AKR1D1: variants seen among roughly 807,000 people sequenced by gnomAD.
AKR1D1 encodes the protein delta(4)-3-ketosteroid 5-beta-reductase.
Under a neutral mutation model 42.6 loss-of-function variants are expected in AKR1D1, and 32 were observed. The observed-to-expected ratio is 0.75, with a 90% CI of 0.57 to 1.01. The LOEUF is 1.01. Ranked by LOEUF, AKR1D1 falls within the 50% of genes least tolerant of loss-of-function variation. The pLI is 0.00. For synonymous variants in AKR1D1, 123 were observed against 135.5 expected (o/e 0.91, Z 0.64); for missense variants, 364 against 402.2 (o/e 0.91, Z 0.81).
chr7:138,113,076 G>A (rs745931262), intron 7 of AKR1D1, among the ~76,000 whole-genome samples: 1 of 152,176 alleles, frequency 6.6e-6, no homozygotes, highest in Non-Finnish European at 1.5e-5. Flanking sequence ...CAGCACTTTG[G>A]GAGGCTGAGG....
chr7:138,086,200 A>G (rs1448025318), intron 1 of AKR1D1, among the ~76,000 whole-genome samples: 1 of 152,096 alleles, frequency 6.6e-6, no homozygotes, highest in Non-Finnish European at 1.5e-5. Flanking sequence ...CCCTGTCTCT[A>G]ATAATAATAA....
rs148252120 is a variant in AKR1D1, at chr7:138,110,113, T to A, written c.855+2533T>A. Among the ~76,000 whole-genome samples, 6 of 152,132 alleles carry A rather than the reference T, an allele frequency of 3.9e-5. No individual in the cohort carries two copies. In the East Asian group the frequency reaches 1.2e-3, roughly 29 times the overall value. The stretch of plus-strand genomic sequence containing the variant: ...CTCTTTAGGGAATAGACTCACCCAA[T>A]AACCATGAATTTTGCTGGGTATGAA... On this transcript the variant is annotated intron_variant, in intron 7 of 8. Transcript: ENST00000242375.
At chr7:138,096,312 A>G (rs988913275) in intron 3 of AKR1D1, among the ~76,000 whole-genome samples, 3 of 152,226 alleles carry the variant, frequency 2.0e-5, no homozygotes, top group Non-Finnish European at 4.4e-5. Flanking sequence ...GATAATAAAC[A>G]GAAATGTATT....
chr7:138,092,678 AT>A (rs1479673513), intron 3 of AKR1D1, among the ~76,000 whole-genome samples: 2 of 152,242 alleles, frequency 1.3e-5, no homozygotes, highest in Non-Finnish European at 2.9e-5. Flanking sequence ...CCTGCACAGC[AT>A]GTTACTATTC....
intron 7 of AKR1D1, among the ~76,000 whole-genome samples, chr7:138,112,793 T>C (rs926916215): frequency 2.8e-4 from 42 of 151,398 alleles, no homozygotes; most frequent in African/African-American, 9.9e-4. Flanking sequence ...ATAGGTTATA[T>C]ACAGATAATC....
chr7:138,087,612 T>C, intron 1 of AKR1D1, among the ~76,000 whole-genome samples: 1 of 152,170 alleles, frequency 6.6e-6, no homozygotes, highest in Admixed American at 6.5e-5. Flanking sequence ...TATACATCTG[T>C]GAGGCCATCA....
intron 7 of AKR1D1, among the ~76,000 whole-genome samples, chr7:138,110,798 T>C (rs995663185): frequency 1.3e-5 from 2 of 151,882 alleles, no homozygotes; most frequent in African/African-American, 4.8e-5. Flanking sequence ...CTAGATAAAA[T>C]TAAAGGTAAA....
At chr7:138,078,583 T>C (rs1748511558) in intron 1 of AKR1D1, among the ~76,000 whole-genome samples, 1 of 152,230 alleles carries the variant, frequency 6.6e-6, no homozygotes, top group Admixed American at 6.5e-5. Context: ...TCATTCATAA[T>C]CTTGGCTCCA....
In AKR1D1 at chr7:138,118,046, T is replaced by G. The variant is rs1459809632; in HGVS notation, c.*1384T>G. 7 of 152,044 alleles carry G rather than the reference T, an allele frequency of 4.6e-5. No homozygotes were observed. The highest frequency in any genetic ancestry group is 4.6e-4 in the Admixed American group (7 of 15,266). 9.4% of individuals were successfully genotyped at this position (152,044 alleles called of 1,614,324 possible). On this transcript the variant is annotated 3_prime_UTR_variant, in exon 9 of 9. Transcript: ENST00000242375. The stretch of plus-strand genomic sequence containing the variant: ...AAACAAAAAAAAAAGAAAAGAAATA[T>G]ATTTTATTCATTCACATTAGGTCAC...
chr7:138,078,416 GA>G (rs1445027333), intron 1 of AKR1D1, among the ~76,000 whole-genome samples: 3 of 152,170 alleles, frequency 2.0e-5, no homozygotes, highest in Admixed American at 1.3e-4. Context: ...CCCATAGCAA[GA>G]GTAGTTAAAA....
At position 138,106,670 on chromosome 7, in the gene AKR1D1, T is replaced by C. The variant is rs1585738925; in HGVS notation, c.642T>C (p.Ile214=). Residue 214 remains isoleucine, a synonymous_variant, in exon 6 of 9, where the codon ATT becomes ATC. Transcript: ENST00000242375. ...TGAAATTTTGCCAACAACATGACAT[T>C]GTCATTACTGCATATAGCCCTTTGG... The part of the protein sequence containing the change: ...KLLKFCQQHD[I]VITAYSPLGT... 4.3e-6 allele frequency: 7 copies of C among 1,614,096 alleles called. No homozygotes were observed. The East Asian group carries it at 1.6e-4, about 36-fold the overall frequency.
At chr7:138,082,515 G>T (rs924774553) in intron 1 of AKR1D1, among the ~76,000 whole-genome samples, 1 of 151,946 alleles carries the variant, frequency 6.6e-6, no homozygotes, top group Non-Finnish European at 1.5e-5. Context: ...CTACAGACAG[G>T]TGTACATCAC....
intron 8 of AKR1D1, among the ~76,000 whole-genome samples, chr7:138,114,015 G>A (rs1184962910): frequency 6.6e-6 from 1 of 152,180 alleles, no homozygotes. Context: ...TTCGGTGAAG[G>A]CATGCAGGCT....
intron 3 of AKR1D1, among the ~76,000 whole-genome samples, chr7:138,096,799 C>T (rs956861488): frequency 9.9e-5 from 15 of 152,118 alleles, no homozygotes; most frequent in African/African-American, 2.9e-4. Flanking sequence ...TTGTTATGCC[C>T]AGTCCTCTAC....
intron 1 of AKR1D1, among the ~76,000 whole-genome samples, chr7:138,079,697 A>T (rs892763338): frequency 3.3e-5 from 5 of 152,246 alleles, no homozygotes; most frequent in Non-Finnish European, 5.9e-5. Context: ...GTCCAATCAC[A>T]AATGTGCCAA....
chr7:138,101,199 T>C (rs548800572), intron 4 of AKR1D1, among the ~76,000 whole-genome samples: 4,827 of 95,074 alleles, frequency 0.051, 193 homozygotes, highest in Middle Eastern at 0.089. Flanking sequence ...CTCCCTTCCT[T>C]CCTTCCTTCC....
chr7:138,117,551 G>T lies in AKR1D1; in HGVS notation c.*889G>T, dbSNP rs1465950288. The stretch of plus-strand genomic sequence containing the variant: ...TGCTTTATAAGATTATTGTACTTAA[G>T]ACTTTAATAGTGTTACTTGGATAGC... On this transcript the variant is annotated 3_prime_UTR_variant, in exon 9 of 9. Transcript: ENST00000242375. The T allele has an allele frequency of 6.6e-6, 1 of 152,130 alleles. No individual in the cohort carries two copies. The highest frequency in any genetic ancestry group is 2.4e-5 in the African/African-American group (1 of 41,416). 9.4% of individuals were successfully genotyped at this position (152,130 alleles called of 1,614,324 possible).
chr7:138,110,857 T>C (rs560875243), intron 7 of AKR1D1, among the ~76,000 whole-genome samples: 1 of 151,894 alleles, frequency 6.6e-6, no homozygotes, highest in Non-Finnish European at 1.5e-5. Flanking sequence ...GTTAAAATTT[T>C]AAAAAAAAGA....
rs1384503826 is a variant in AKR1D1, at chr7:138,101,143, T to TTTTC, written c.456+3205_456+3208dup. ...AACACTTCACCAAAATATAAGAGTG[T>TTTTC]TTTCTTTCCCTCCCTCCCTCCCTCC... On this transcript the variant is annotated intron_variant, in intron 4 of 8. Coordinates refer to ENST00000242375, the MANE Select transcript of AKR1D1 (RefSeq NM_005989.4). 1.7e-3 allele frequency among the ~76,000 whole-genome samples: 249 copies of TTTTC among 146,922 alleles called. 14 individuals carry two copies. Among genetic ancestry groups the TTTTC allele is most frequent in the African/African-American group, 6.2e-3 (233 of 37,718 alleles).
Sources: allele counts gnomAD v4.1 joint callset (sites outside exome capture counted in the v4.1 genomes callset), GRCh38; gene constraint gnomAD v4.1.1; transcripts MANE v1.5; gene names NCBI Gene and HGNC (gene_info 2026-07-23, HGNC 2026-07-21).